Variants in FAM184B observed in about 807,000 individuals in gnomAD.
The protein encoded by FAM184B is family with sequence similarity 184 member B, also known as protein FAM184B.
In FAM184B, 111 loss-of-function variants were observed where a neutral mutation model predicts 135.9. That is an observed-to-expected ratio of 0.82 (90% CI 0.70 to 0.96). The LOEUF is 0.96. Among genes scored for constraint, FAM184B ranks in the 40% least tolerant of loss-of-function variants. The probability of loss-of-function intolerance (pLI) is 0.00; values close to 1 mark genes in which losing one functional copy is unlikely to be tolerated. For synonymous variants in FAM184B, 552 were observed against 524.8 expected (o/e 1.05, Z -0.71); for missense variants, 1,375 against 1,323.9 (o/e 1.04, Z -0.60).
intron 5 of FAM184B, among the ~76,000 whole-genome samples, chr4:17,702,493 T>C (rs1339546549): frequency 6.6e-6 from 1 of 152,130 alleles, no homozygotes; most frequent in Non-Finnish European, 1.5e-5. Context: ...GCACTTAGGA[T>C]ACACAGTATA....
At chr4:17,770,827 C>T (rs1030223273) in intron 1 of FAM184B, among the ~76,000 whole-genome samples, 1 of 152,124 alleles carries the variant, frequency 6.6e-6, no homozygotes. Flanking sequence ...ATTTTAGCAG[C>T]TTTATTGAGA....
chr4:17,754,277 C>T (rs1718370377), intron 1 of FAM184B, among the ~76,000 whole-genome samples: 2 of 152,046 alleles, frequency 1.3e-5, no homozygotes, highest in South Asian at 2.1e-4. Context: ...TTAGGCTGGG[C>T]ACAGTGACCC....
intron 8 of FAM184B, among the ~76,000 whole-genome samples, chr4:17,664,099 T>C (rs1284269192): frequency 6.6e-6 from 1 of 152,166 alleles, no homozygotes; most frequent in African/African-American, 2.4e-5. Context: ...CAGAGCCTGA[T>C]AGAGCCAATC....
At chr4:17,759,341 T>C (rs1473410934) in intron 1 of FAM184B, among the ~76,000 whole-genome samples, 4 of 152,206 alleles carry the variant, frequency 2.6e-5, no homozygotes, top group Admixed American at 2.0e-4. Flanking sequence ...GCTCTGGCTA[T>C]GAAAGACACA....
intron 1 of FAM184B, among the ~76,000 whole-genome samples, chr4:17,749,815 G>T (rs1219365951): frequency 6.6e-6 from 1 of 152,020 alleles, no homozygotes; most frequent in Non-Finnish European, 1.5e-5. Flanking sequence ...TATATTTTAA[G>T]GTATTTATTT....
At chr4:17,694,970 T>C (rs1716818059) in intron 5 of FAM184B, among the ~76,000 whole-genome samples, 2 of 148,162 alleles carry the variant, frequency 1.3e-5, no homozygotes, top group Non-Finnish European at 3.0e-5. Context: ...CAAGGAGATA[T>C]CTGTGTGTGA....
rs1293325661 is a variant in FAM184B, at chr4:17,630,841, T to C, written c.*1691A>G. On this transcript the variant is annotated 3_prime_UTR_variant, in exon 18 of 18. Transcript: ENST00000265018. ...TGAACTGAACTTTCTATTTCTAAGC[T>C]GTCTTCATCTAATTTTACCTTTCTG... 1.3e-5 allele frequency: 2 copies of C among 152,176 alleles called. No individual in the cohort carries two copies. Among genetic ancestry groups the C allele is most frequent in the Non-Finnish European group, 2.9e-5 (2 of 68,032 alleles). The allele number at this position is 152,176 out of a possible 1,614,324, so 9.4% of individuals were successfully genotyped here. A position where few individuals can be genotyped will look rare whatever the true frequency, so the allele number is the denominator to read the frequency against.
intron 7 of FAM184B, among the ~76,000 whole-genome samples, chr4:17,687,895 T>C (rs1057198531): frequency 1.3e-5 from 2 of 152,022 alleles, no homozygotes; most frequent in African/African-American, 4.8e-5. Context: ...ACCAAGTACA[T>C]GGTCATTCGT....
chr4:17,705,710 T>C lies in FAM184B; in HGVS notation c.1170+42A>G, dbSNP rs1717098350. The C allele has an allele frequency of 7.7e-6, 12 of 1,548,874 alleles. No individual in the cohort carries two copies. The East Asian group carries it at 2.9e-4, about 38-fold the overall frequency. On this transcript the variant is annotated intron_variant, in intron 4 of 17. Coordinates refer to ENST00000265018, the MANE Select transcript of FAM184B (RefSeq NM_015688.2). The stretch of plus-strand genomic sequence containing the variant: ...TGACGCTTATAATAGATAGCAAAGC[T>C]CTCTGTGCCTTCTCCATCCCCAGGG...
intron 7 of FAM184B, among the ~76,000 whole-genome samples, chr4:17,668,422 T>A (rs145780306): frequency 6.6e-6 from 1 of 152,372 alleles, no homozygotes; most frequent in East Asian, 1.9e-4. Context: ...CCTATTCAAC[T>A]GTTACTTCCT....
intron 14 of FAM184B, among the ~76,000 whole-genome samples, chr4:17,638,080 C>T (rs1457398523): frequency 6.6e-6 from 1 of 151,074 alleles, no homozygotes; most frequent in Non-Finnish European, 1.5e-5. Flanking sequence ...ACCCTTGCCA[C>T]TCCCAATCCT....
intron 5 of FAM184B, among the ~76,000 whole-genome samples, chr4:17,694,999 AG>A (rs200886478): frequency 0.095 from 8,565 of 90,566 alleles, 328 homozygotes; most frequent in Non-Finnish European, 0.13. Context: ...GGACCTGCAA[AG>A]GCCCTGGAAT....
intron 5 of FAM184B, among the ~76,000 whole-genome samples, chr4:17,701,670 T>C (rs1341623833): frequency 6.6e-6 from 1 of 152,180 alleles, no homozygotes; most frequent in African/African-American, 2.4e-5. Flanking sequence ...CAGGCCATGA[T>C]GTGGACAGTG....
chr4:17,636,349 C>T (rs985880996), intron 15 of FAM184B, among the ~76,000 whole-genome samples, 179 bp downstream of exon 15: 14 of 152,184 alleles, frequency 9.2e-5, no homozygotes, highest in Non-Finnish European at 5.9e-5. Context: ...GTGATCCACC[C>T]GCCTCCGCCT....
chr4:17,648,190 T>G (rs1715518174), intron 11 of FAM184B, among the ~76,000 whole-genome samples: 1 of 152,024 alleles, frequency 6.6e-6, no homozygotes, highest in Non-Finnish European at 1.5e-5. Flanking sequence ...GTGGCAGGTG[T>G]GGGCAGCATG....
At chr4:17,766,104 C>G (rs963051496) in intron 1 of FAM184B, among the ~76,000 whole-genome samples, 2 of 152,198 alleles carry the variant, frequency 1.3e-5, no homozygotes, top group African/African-American at 4.8e-5. Context: ...TTACAAAGAG[C>G]AAGATTGGGA....
Position 17,692,751 on chromosome 4 carries a change from AT to A in FAM184B, c.1488+550del, listed in dbSNP as rs201196663. On this transcript the variant is annotated intron_variant, in intron 6 of 17. Transcript: ENST00000265018. ...AGGGGAAGGAAGGAAACTTGTTGAC[AT>A]TTTTTTGGTTTAAGCAGGCTCAGAA... 9.9e-5 allele frequency among the ~76,000 whole-genome samples: 15 copies of A among 152,160 alleles called. No homozygotes were observed. In the East Asian group the frequency reaches 1.6e-3, roughly 16 times the overall value.
chr4:17,685,422 G>A (rs533158573), intron 7 of FAM184B, among the ~76,000 whole-genome samples: 84 of 151,648 alleles, frequency 5.5e-4, no homozygotes, highest in Admixed American at 9.9e-4. Flanking sequence ...GGTGGTGTGC[G>A]CCTATAGTCC....
intron 5 of FAM184B, among the ~76,000 whole-genome samples, chr4:17,696,568 T>G (rs1716862598): frequency 6.6e-6 from 1 of 152,056 alleles, no homozygotes; most frequent in South Asian, 2.1e-4. Context: ...TCCCAACACT[T>G]TGGGAGAATG....
Sources: gnomAD v4.1 joint callset for allele counts (sites outside exome capture counted in the v4.1 genomes callset) on GRCh38, gnomAD v4.1.1 for gene constraint, MANE v1.5 for transcripts, NCBI Gene and HGNC (gene_info 2026-07-23, HGNC 2026-07-21) for gene names.